The following AHDC1 variants were observed in gnomAD, a reference collection of about 807,000 sequenced individuals.
The protein encoded by AHDC1 is AT-hook DNA binding motif containing 1.
A neutral mutation model predicts 87.9 loss-of-function variants in AHDC1; 7 were observed. The observed-to-expected ratio is 0.08, with a 90% CI of 0.05 to 0.15. The LOEUF is 0.15. Ranked by LOEUF, AHDC1 falls within the 10% of genes least tolerant of loss-of-function variation. The probability of loss-of-function intolerance (pLI) is 1.00; values close to 1 mark genes in which losing one functional copy is unlikely to be tolerated. For missense variants in AHDC1, 1,841 were observed against 2,253.2 expected (o/e 0.82, Z 3.70); for synonymous variants, 1,051 against 1,006.8 (o/e 1.04, Z -0.83).
chr1:27,576,918 C>A (rs1027385390), intron 3 of AHDC1, among the ~76,000 whole-genome samples: 1 of 152,134 alleles, frequency 6.6e-6, no homozygotes, highest in Non-Finnish European at 1.5e-5. Flanking sequence ...CACACACACA[C>A]ATATATACAG....
Position 27,563,451 on chromosome 1 carries a change from C to T in AHDC1, c.-628-4568G>A, listed in dbSNP as rs1004667038. Among the ~76,000 whole-genome samples the T allele has an allele frequency of 6.6e-6, 1 of 152,216 alleles. No individual in the cohort carries two copies. The highest frequency in any genetic ancestry group is 1.5e-5 in the Non-Finnish European group (1 of 68,028). ...ACAGCATGAGGCAGGGACATAACCT[C>T]GCCCCTGCCTGGGAATCCTCCCTGC... On this transcript the variant is annotated intron_variant, in intron 3 of 8. Transcript: ENST00000673934. This position sits in a 1 kb window ranked among gnomAD's most constrained non-coding sequence, Gnocchi z 6.1.
In AHDC1 at chr1:27,567,318, G is replaced by T. The variant is rs535547562; in HGVS notation, c.-628-8435C>A. Among the ~76,000 whole-genome samples, 16 of 152,260 alleles carry T rather than the reference G, an allele frequency of 1.1e-4. 2 individuals carry two copies. In the South Asian group the frequency reaches 3.1e-3, roughly 30 times the overall value. ...GGTGGGTCAGAGGGCAGCGCGGGGC[G>T]CCCGCTCCTCCAAGTCAGAATCCCA... On this transcript the variant is annotated intron_variant, in intron 3 of 8. Coordinates refer to ENST00000673934, the MANE Select transcript of AHDC1 (RefSeq NM_001371928.1).
At position 27,548,418 on chromosome 1, in the gene AHDC1, C is replaced by T. The variant is rs776496695; in HGVS notation, c.3698G>A (p.Arg1233His). 1.9e-6 allele frequency: 3 copies of T among 1,611,140 alleles called. No homozygotes were observed. The highest frequency in any genetic ancestry group is 2.5e-6 in the Non-Finnish European group (3 of 1,177,818). ...CAGGTCCACCTTCTTCCGCCGTCCA[C>T]GGCCCGGCTTGGAGCTACTCTGAAA... ...VLFQSSSKPGRGRRKKVDLFE... is the reference protein window; with the variant it reads ...VLFQSSSKPGHGRRKKVDLFE... Residue 1233 changes from arginine to histidine, a missense_variant, in exon 8 of 9, where the codon CGT becomes CAT. This residue lies in a region of AHDC1 where 505 missense variants were observed against 626.2 expected (regional missense o/e 0.81). Transcript: ENST00000673934.
chr1:27,581,920 C>G (rs187844129), intron 3 of AHDC1, among the ~76,000 whole-genome samples: 1 of 152,322 alleles, frequency 6.6e-6, no homozygotes, highest in Admixed American at 6.5e-5. Context: ...TCAACACCAC[C>G]CACACACTCA....
chr1:27,550,910 T>A lies in AHDC1; in HGVS notation c.1206A>T (p.Gly402=). ...CCTCGGGTCCGGCGTCTGCCTTGCGTCCCCGTCCGGCTTTCCGCCGGCGAC... is the reference window on the plus strand; with the variant it reads ...CCTCGGGTCCGGCGTCTGCCTTGCGACCCCGTCCGGCTTTCCGCCGGCGAC... The part of the protein sequence containing the change: ...ILCRRRKAGR[G]RKADAGPEGR... The change falls in exon 8 of 9, where the codon GGA becomes GGT. Residue 402 remains glycine (G), a synonymous_variant. Transcript: ENST00000673934. 2 of 1,596,388 alleles carry A rather than the reference T, an allele frequency of 1.3e-6. No homozygotes were observed. The highest frequency in any genetic ancestry group is 1.7e-6 in the Non-Finnish European group (2 of 1,176,790).
chr1:27,538,995 G>C (rs2018782277), intron 8 of AHDC1, among the ~76,000 whole-genome samples: 1 of 152,172 alleles, frequency 6.6e-6, no homozygotes, highest in African/African-American at 2.4e-5. Flanking sequence ...AGAGGATACT[G>C]CTTCCTGGGG....
At chr1:27,585,815 A>G (rs989624584) in intron 3 of AHDC1, among the ~76,000 whole-genome samples, 3 of 152,146 alleles carry the variant, frequency 2.0e-5, no homozygotes, top group African/African-American at 7.2e-5. Flanking sequence ...TTTCCATGCA[A>G]TCAGACTGTG....
At chr1:27,557,880 T>C (rs961474756) in intron 5 of AHDC1, among the ~76,000 whole-genome samples, 1 of 152,192 alleles carries the variant, frequency 6.6e-6, no homozygotes, top group African/African-American at 2.4e-5. Context: ...TATTACCCCA[T>C]GTGCACGGAA....
At chr1:27,575,951 C>T (rs2088727803) in intron 3 of AHDC1, among the ~76,000 whole-genome samples, 1 of 151,932 alleles carries the variant, frequency 6.6e-6, no homozygotes, top group African/African-American at 2.4e-5. Context: ...CCGGGTCGGG[C>T]TCGGGCTCTG....
At chr1:27,599,105 G>A (rs2089458216) in intron 3 of AHDC1, among the ~76,000 whole-genome samples, 1 of 152,160 alleles carries the variant, frequency 6.6e-6, no homozygotes, top group Non-Finnish European at 1.5e-5. Flanking sequence ...GATGCTGCAG[G>A]GGCAGAATCA....
chr1:27,542,859 G>A (rs2018991895), intron 8 of AHDC1, among the ~76,000 whole-genome samples: 1 of 152,236 alleles, frequency 6.6e-6, no homozygotes, highest in Non-Finnish European at 1.5e-5. Context: ...CCTAAACATG[G>A]CTGCAGGAGT....
At chr1:27,578,325 C>G (rs893306327) in intron 3 of AHDC1, among the ~76,000 whole-genome samples, 1 of 152,176 alleles carries the variant, frequency 6.6e-6, no homozygotes, top group Non-Finnish European at 1.5e-5. Context: ...CACAGTGGCT[C>G]ATGCCTGTAA....
intron 3 of AHDC1, among the ~76,000 whole-genome samples, chr1:27,602,524 G>A (rs1400039380): frequency 6.6e-6 from 1 of 152,082 alleles, no homozygotes; most frequent in Non-Finnish European, 1.5e-5. Flanking sequence ...CCAGCCCCCT[G>A]CCCCTCTGGC....
chr1:27,543,137 G>A (rs1036118154), intron 8 of AHDC1, among the ~76,000 whole-genome samples: 1 of 152,250 alleles, frequency 6.6e-6, no homozygotes, highest in East Asian at 1.9e-4. Flanking sequence ...GGCCCTAGCC[G>A]CGTAACCTTG....
At chr1:27,575,173 C>CCCG (rs568285541) in intron 3 of AHDC1, among the ~76,000 whole-genome samples, 14 of 152,252 alleles carry the variant, frequency 9.2e-5, no homozygotes, top group East Asian at 1.9e-4. Flanking sequence ...TCCGAGTTTT[C>CCCG]CCGCCGCCGC....
At chr1:27,592,157 A>G (rs1344786829) in intron 3 of AHDC1, among the ~76,000 whole-genome samples, 3 of 152,208 alleles carry the variant, frequency 2.0e-5, no homozygotes, top group African/African-American at 7.2e-5. Context: ...TTAGTATCTT[A>G]GCCCCAAGCT....
Position 27,561,464 on chromosome 1 carries a change from TG to T in AHDC1, c.-628-2582del, listed in dbSNP as rs1557678582. Among the ~76,000 whole-genome samples, 3 of 151,924 alleles carry T rather than the reference TG, an allele frequency of 2.0e-5. No individual in the cohort carries two copies. The South Asian group carries it at 6.2e-4, about 32-fold the overall frequency. Reference sequence around the variant, plus strand: ...AACTTCCAACAGTGCCCACACAGGCTGGGGGAGCTGCTGGGAGGCAGAGGAC... The same window carrying T: ...AACTTCCAACAGTGCCCACACAGGCTGGGGAGCTGCTGGGAGGCAGAGGAC... On this transcript the variant is annotated intron_variant, in intron 3 of 8. Coordinates refer to ENST00000673934, the MANE Select transcript of AHDC1 (RefSeq NM_001371928.1). The surrounding 1 kb of genome is among the most constrained non-coding windows in gnomAD (Gnocchi z 4.2).
At position 27,565,789 on chromosome 1, in the gene AHDC1, T is replaced by C. The variant is rs2020292993; in HGVS notation, c.-628-6906A>G. Among the ~76,000 whole-genome samples the C allele has an allele frequency of 6.6e-6, 1 of 152,226 alleles. No individual in the cohort carries two copies. The highest frequency in any genetic ancestry group is 2.4e-5 in the African/African-American group (1 of 41,464). Reference sequence around the variant, plus strand: ...GAGGCCTGTTCTCTAGAGAGCTTCTTGGGCCAGTTTAGCTCCTGGAACTAT... The same window carrying C: ...GAGGCCTGTTCTCTAGAGAGCTTCTCGGGCCAGTTTAGCTCCTGGAACTAT... On this transcript the variant is annotated intron_variant, in intron 3 of 8. Transcript: ENST00000673934. This position sits in a 1 kb window ranked among gnomAD's most constrained non-coding sequence, Gnocchi z 4.6.
At position 27,551,118 on chromosome 1, in the gene AHDC1, G is replaced by C; in HGVS notation, c.998C>G (p.Ala333Gly). The C allele has an allele frequency of 6.3e-7, 1 of 1,589,316 alleles. No individual in the cohort carries two copies. The highest frequency in any genetic ancestry group is 8.6e-7 in the Non-Finnish European group (1 of 1,167,816). ...SLESQLLDPQALDPLPKLLDV... is the reference protein window; with the variant it reads ...SLESQLLDPQGLDPLPKLLDV... ...AAGCAGCTTGGGCAGGGGGTCGAGT[G>C]CCTGGGGGTCAAGCAGCTGCGACTC... Residue 333 changes from alanine to glycine, a missense_variant, in exon 8 of 9, where the codon GCA becomes GGA. By Grantham distance (60) the Ala-to-Gly change is moderately conservative (BLOSUM62 0). This residue lies in a region of AHDC1 where 370 missense variants were observed against 391.5 expected (regional missense o/e 0.95). Transcript: ENST00000673934.
Sources: gnomAD v4.1 joint callset for allele counts (sites outside exome capture counted in the v4.1 genomes callset) on GRCh38, gnomAD v4.1.1 for gene constraint, gnomAD v4.1.1 regional missense constraint, Gnocchi (gnomAD v3.1) non-coding constraint, MANE v1.5 for transcripts, NCBI Gene and HGNC (gene_info 2026-07-23, HGNC 2026-07-21) for gene names.